BLOC1S5: variants seen among roughly 807,000 people sequenced by gnomAD.
BLOC1S5 encodes biogenesis of lysosome-related organelles complex 1 subunit 5.
BLOC1S5 carries 27 observed loss-of-function variants against 24.3 expected under a neutral mutation model. That is an observed-to-expected ratio of 1.11 (90% CI 0.82 to 1.53). BLOC1S5 has a LOEUF of 1.53. Among genes scored for constraint, BLOC1S5 ranks in the 40% most tolerant of loss-of-function variants. BLOC1S5 has a pLI of 0.00. For missense variants in BLOC1S5, 239 were observed against 229.4 expected, an observed-to-expected ratio of 1.04 and a Z score of -0.27; for synonymous variants, 84 against 74.5, an observed-to-expected ratio of 1.13 and a Z score of -0.66.
chr6:8,022,671 G>A (rs1762962681), intron 4 of BLOC1S5, among the ~76,000 whole-genome samples: 1 of 130,050 alleles, frequency 7.7e-6, no homozygotes. Context: ...TGCAAGCTCC[G>A]CCTCCCGGGT....
In BLOC1S5 at chr6:8,015,557, T is replaced by C; in HGVS notation, c.*92A>G. ...AGTGCCACTGAATATATTGCTAAGC[T>C]TGAAGCAGAGGCTAAACGGTCTGGT... On this transcript the variant is annotated 3_prime_UTR_variant, in exon 5 of 5. Coordinates refer to ENST00000397457, the MANE Select transcript of BLOC1S5 (RefSeq NM_201280.3). The C allele has an allele frequency of 1.5e-6, 2 of 1,297,574 alleles. No homozygotes were observed. The highest frequency in any genetic ancestry group is 2.1e-6 in the Non-Finnish European group (2 of 941,728). 80.4% of individuals were successfully genotyped at this position (1,297,574 alleles called of 1,614,324 possible).
In BLOC1S5 at chr6:8,026,405, C is replaced by CT; in HGVS notation, c.345dup (p.Val116SerfsTer3). 1 of 1,613,528 alleles carries CT rather than the reference C, an allele frequency of 6.2e-7. No individual in the cohort carries two copies. The highest frequency in any genetic ancestry group is 8.5e-7 in the Non-Finnish European group (1 of 1,179,776). On this transcript the variant is annotated frameshift_variant, in exon 4 of 5. Transcript: ENST00000397457. LOFTEE classifies it high-confidence loss of function. ...TGTTCCCTCTGTTGGAGTCTACAGA[C>CT]TGAGTCATTAGCTGCTTGCACTGAA...
At chr6:8,052,190 A>C (rs1436155211) in intron 2 of BLOC1S5, among the ~76,000 whole-genome samples, 1 of 151,566 alleles carries the variant, frequency 6.6e-6, no homozygotes, top group Non-Finnish European at 1.5e-5. Context: ...GATGGTCTCG[A>C]TCTCCTGACC....
intron 2 of BLOC1S5, among the ~76,000 whole-genome samples, chr6:8,052,258 C>T (rs913971674): frequency 2.6e-5 from 4 of 152,200 alleles, no homozygotes; most frequent in Non-Finnish European, 2.9e-5. Context: ...TGAGCCACCG[C>T]GCCCGAGGTA....
At chr6:8,052,538 G>A (rs1302599128) in intron 2 of BLOC1S5, among the ~76,000 whole-genome samples, 1 of 152,144 alleles carries the variant, frequency 6.6e-6, no homozygotes. Flanking sequence ...AGCAGTTCTA[G>A]ACTTCAGCTG....
At position 8,057,800 on chromosome 6, in the gene BLOC1S5, T is replaced by G. The variant is rs1206274392; in HGVS notation, c.195+4734A>C. Among the ~76,000 whole-genome samples the G allele has an allele frequency of 5.3e-5, 8 of 152,202 alleles. No individual in the cohort carries two copies. In the East Asian group the frequency reaches 1.5e-3, roughly 29 times the overall value. ...ATAATTATTGCACTATTAAATACTT[T>G]TCTTTTTGTCTCTAATTTTAACCAA... On this transcript the variant is annotated intron_variant, in intron 2 of 4. Transcript: ENST00000397457.
At chr6:8,024,457 G>A (rs554710179) in intron 4 of BLOC1S5, among the ~76,000 whole-genome samples, 163 of 142,094 alleles carry the variant, frequency 1.1e-3, no homozygotes, top group African/African-American at 4.0e-3. Context: ...GGCAGCGATT[G>A]CAGTGAGCCA....
chr6:8,027,384 C>T, intron 3 of BLOC1S5: 1 of 456,720 alleles, frequency 2.2e-6, no homozygotes, highest in Middle Eastern at 3.3e-4. Flanking sequence ...TATCTCTCAG[C>T]AACTTAGTTC....
At position 8,014,631 on chromosome 6, in the gene BLOC1S5, CAT is replaced by C. The variant is rs1299237482; in HGVS notation, c.*1016_*1017del. ...GATCACAGTGATGACAGAACTGGTA[CAT>C]GTTTCATCATAATATACCTGCTTAT... On this transcript the variant is annotated 3_prime_UTR_variant, in exon 5 of 5. Coordinates refer to ENST00000397457, the MANE Select transcript of BLOC1S5 (RefSeq NM_201280.3). The C allele has an allele frequency of 1.3e-5, 2 of 152,122 alleles. No individual in the cohort carries two copies. The highest frequency in any genetic ancestry group is 2.9e-5 in the Non-Finnish European group (2 of 68,030). 9.4% of individuals were successfully genotyped at this position (152,122 alleles called of 1,614,324 possible).
rs181265566 is a variant in BLOC1S5 at position 8,044,782 on chromosome 6, G to T, written c.196-3514C>A. Among the ~76,000 whole-genome samples, 162 of 152,298 alleles carry T rather than the reference G, an allele frequency of 1.1e-3. 1 individual carries two copies. The highest frequency in any genetic ancestry group is 7.1e-4 in the Non-Finnish European group (48 of 68,026). ...TCTGTGGAACTTTGAACTTGAGAGA[G>T]ATCATTGAGAGTATCTGGTGGAAGA... On this transcript the variant is annotated intron_variant, in intron 2 of 4. Coordinates refer to ENST00000397457, the MANE Select transcript of BLOC1S5 (RefSeq NM_201280.3).
chr6:8,060,220 G>A (rs1764465809), intron 2 of BLOC1S5, among the ~76,000 whole-genome samples: 1 of 152,226 alleles, frequency 6.6e-6, no homozygotes, highest in Admixed American at 6.5e-5. Context: ...TGCGAAAAAT[G>A]AGAAGTAGCA....
At chr6:8,052,719 T>C (rs1479120613) in intron 2 of BLOC1S5, among the ~76,000 whole-genome samples, 3 of 151,922 alleles carry the variant, frequency 2.0e-5, no homozygotes, top group African/African-American at 7.3e-5. Flanking sequence ...GGTGAAACCC[T>C]GTCTCTACTA....
Position 8,041,207 on chromosome 6 carries a change from G to A in BLOC1S5, c.257C>T (p.Thr86Ile), listed in dbSNP as rs1345447393. Reference protein sequence around the residue: ...LENLKNMIHETNEHTLPKCRD... With the variant: ...LENLKNMIHEINEHTLPKCRD... ...ACATTTGGGAAGAGTATGTTCATTT[G>A]TTTCATGGATCATGTTCTTCAAATT... Residue 86 changes from threonine (T) to isoleucine (I), a missense_variant, in exon 3 of 5, where the codon ACA becomes ATA. Physicochemically the swap from Thr to Ile is moderately conservative, Grantham distance 89. Transcript: ENST00000397457. The A allele has an allele frequency of 3.7e-6, 6 of 1,609,288 alleles. No homozygotes were observed. The highest frequency in any genetic ancestry group is 5.1e-6 in the Non-Finnish European group (6 of 1,177,988).
chr6:8,028,932 T>C (rs975937577), intron 3 of BLOC1S5, among the ~76,000 whole-genome samples: 2 of 152,094 alleles, frequency 1.3e-5, no homozygotes, highest in African/African-American at 4.8e-5. Flanking sequence ...TCATTTCCCC[T>C]GTTATCTCAG....
intron 2 of BLOC1S5, among the ~76,000 whole-genome samples, 194 bp from the exon 3 acceptor site, chr6:8,041,462 G>A (rs1001898785): frequency 6.6e-6 from 1 of 150,982 alleles, no homozygotes; most frequent in Non-Finnish European, 1.5e-5. Context: ...ACAGGCTCCC[G>A]CCATCACATC....
At position 8,064,306 on chromosome 6, in the gene BLOC1S5, T is replaced by G. The variant is rs1561874721; in HGVS notation, c.71A>C (p.Asp24Ala). The G allele has an allele frequency of 6.2e-7, 1 of 1,613,438 alleles. No homozygotes were observed. Among genetic ancestry groups the G allele is most frequent in the Non-Finnish European group, 8.5e-7 (1 of 1,179,772 alleles). ...AAPGGGSKKR[D>A]SLGTAGSAHL... ...CGCTGAGCCCGCAGTCCCCAGGGAG[T>G]CCCTCTTCTTGCTGCCACCGCCCGG... The change falls in exon 1 of 5, where the codon GAC becomes GCC. Residue 24 changes from aspartate (D) to alanine (A), a missense_variant. Transcript: ENST00000397457.
In BLOC1S5 at chr6:8,015,533, G is replaced by C. The variant is rs764124273; in HGVS notation, c.*116C>G. 18 of 1,013,774 alleles carry C rather than the reference G, an allele frequency of 1.8e-5. No homozygotes were observed. Among genetic ancestry groups the C allele is most frequent in the Non-Finnish European group, 2.6e-5 (18 of 705,520 alleles). The allele number at this position is 1,013,774 out of a possible 1,614,324, so 62.8% of individuals were successfully genotyped here. A position where few individuals can be genotyped will look rare whatever the true frequency, so the allele number is the denominator to read the frequency against. On this transcript the variant is annotated 3_prime_UTR_variant, in exon 5 of 5. Transcript: ENST00000397457. ...GAAACTTCTTTCTTCTGATATAAGA[G>C]TGCCACTGAATATATTGCTAAGCTT...
At chr6:8,047,160 T>TCCCACACACA (rs1475934039) in intron 2 of BLOC1S5, among the ~76,000 whole-genome samples, 2 of 126,922 alleles carry the variant, frequency 1.6e-5, no homozygotes, top group African/African-American at 6.3e-5. Flanking sequence ...TCTCTCTCTC[T>TCCCACACACA]CACACACACA....
rs558196340 is a variant in BLOC1S5, at chr6:8,055,238, A to G, written c.195+7296T>C. Among the ~76,000 whole-genome samples the G allele has an allele frequency of 3.6e-4, 55 of 152,330 alleles. 2 individuals carry two copies. The South Asian group carries it at 0.011, about 30-fold the overall frequency. On this transcript the variant is annotated intron_variant, in intron 2 of 4. Coordinates refer to ENST00000397457, the MANE Select transcript of BLOC1S5 (RefSeq NM_201280.3). ...CCTGAGGTCATGAGTTTTTGAGACC[A>G]GCCTGGCCAACGTGGTGAAACCCTG...
Sources: gnomAD v4.1 joint callset for allele counts (sites outside exome capture counted in the v4.1 genomes callset) on GRCh38, gnomAD v4.1.1 for gene constraint, MANE v1.5 for transcripts, NCBI Gene and HGNC (gene_info 2026-07-23, HGNC 2026-07-21) for gene names.